Variants in KCNAB1 observed in about 807,000 individuals in gnomAD.
KCNAB1 encodes the protein voltage-gated potassium channel subunit beta-1.
KCNAB1 carries 35 observed loss-of-function variants against 64.6 expected under a neutral mutation model. The ratio of observed to expected loss-of-function variants is 0.54; its 90% CI spans 0.41 to 0.72. KCNAB1 has a LOEUF of 0.72. KCNAB1 is among the 30% of genes least tolerant of loss of function. KCNAB1 has a pLI of 0.00. For synonymous variants in KCNAB1, 177 were observed against 183.8 expected, an observed-to-expected ratio of 0.96 and a Z score of 0.30; for missense variants, 401 against 512.9, an observed-to-expected ratio of 0.78 and a Z score of 2.11.
chr3:156,326,141 T>C (rs1722957320), intron 1 of KCNAB1, among the ~76,000 whole-genome samples: 1 of 152,180 alleles, frequency 6.6e-6, no homozygotes, highest in African/African-American at 2.4e-5. Flanking sequence ...CTCTCCTGCA[T>C]CTCTGACTTG....
At chr3:156,150,013 CAT>C (rs1715307572) in intron 1 of KCNAB1, among the ~76,000 whole-genome samples, 2 of 152,190 alleles carry the variant, frequency 1.3e-5, no homozygotes, top group Admixed American at 1.3e-4. Flanking sequence ...AAAATGTCCA[CAT>C]GATTTATTTT....
At chr3:156,407,075 C>T (rs1559869486) in intron 1 of KCNAB1, among the ~76,000 whole-genome samples, 3 of 152,308 alleles carry the variant, frequency 2.0e-5, no homozygotes, top group African/African-American at 2.4e-5. Context: ...TCTGTAGCAG[C>T]TTTTGGATCT....
chr3:156,240,063 C>T lies in KCNAB1; in HGVS notation c.275+119177C>T, dbSNP rs192247193. Among the ~76,000 whole-genome samples the T allele has an allele frequency of 5.9e-5, 9 of 152,268 alleles. No individual in the cohort carries two copies. In the East Asian group the frequency reaches 1.4e-3, roughly 23 times the overall value. On this transcript the variant is annotated intron_variant, in intron 1 of 13. Transcript: ENST00000490337. ...TACAACTTAAGTGACTAATGGAAGA[C>T]GTATTTCATTGTCCAAAAATATTTC...
chr3:156,263,708 C>T (rs544026727), intron 1 of KCNAB1, among the ~76,000 whole-genome samples: 10 of 152,168 alleles, frequency 6.6e-5, no homozygotes, highest in African/African-American at 2.4e-4. Flanking sequence ...TATTTGCATA[C>T]ATCTTATGCA....
intron 2 of KCNAB1, among the ~76,000 whole-genome samples, chr3:156,433,351 A>G (rs1356100224): frequency 1.3e-5 from 2 of 152,238 alleles, no homozygotes; most frequent in Admixed American, 6.5e-5. Context: ...AAGGTTCTCA[A>G]TATACACTCA....
At chr3:156,186,725 T>C (rs1377910425) in intron 1 of KCNAB1, among the ~76,000 whole-genome samples, 1 of 152,188 alleles carries the variant, frequency 6.6e-6, no homozygotes, top group Non-Finnish European at 1.5e-5. Context: ...AGGTGATGTG[T>C]GCTTTTACTA....
intron 1 of KCNAB1, among the ~76,000 whole-genome samples, chr3:156,262,886 G>A (rs748626177): frequency 6.6e-6 from 1 of 151,546 alleles, no homozygotes; most frequent in Non-Finnish European, 1.5e-5. Context: ...AGTCAGTTTT[G>A]GTAATTTGTG....
At chr3:156,205,040 C>T (rs1326775448) in intron 1 of KCNAB1, among the ~76,000 whole-genome samples, 1 of 152,048 alleles carries the variant, frequency 6.6e-6, no homozygotes, top group Non-Finnish European at 1.5e-5. Flanking sequence ...AATACCTTGG[C>T]AATTGATAAT....
chr3:156,534,808 G>A (rs904744608), intron 13 of KCNAB1, among the ~76,000 whole-genome samples: 5 of 152,198 alleles, frequency 3.3e-5, no homozygotes, highest in African/African-American at 4.8e-5. Context: ...AGCCTGTGGG[G>A]TGTTTGTAAA....
chr3:156,415,943 C>T (rs1715039880), intron 1 of KCNAB1, among the ~76,000 whole-genome samples: 3 of 152,166 alleles, frequency 2.0e-5, no homozygotes, highest in African/African-American at 7.2e-5. Flanking sequence ...GTTGTTCCCC[C>T]AATGTCCCCA....
chr3:156,395,290 A>G (rs575529325), intron 1 of KCNAB1, among the ~76,000 whole-genome samples: 1 of 149,988 alleles, frequency 6.7e-6, no homozygotes, highest in African/African-American at 2.5e-5. Context: ...TCACGCCTGT[A>G]ATCCCAGCAC....
At position 156,429,121 on chromosome 3, in the gene KCNAB1, T is replaced by A. The variant is rs116342266; in HGVS notation, c.319+7462T>A. Among the ~76,000 whole-genome samples the A allele has an allele frequency of 7.2e-3, 1,098 of 152,368 alleles. 11 individuals carry two copies. The highest frequency in any genetic ancestry group is 0.025 in the African/African-American group (1,050 of 41,590). Reference sequence around the variant, plus strand: ...TAATCTCATCTCAACCTAGACCTTTTCAATGAGGAGCTCCACATGCATGTG... The same window carrying A: ...TAATCTCATCTCAACCTAGACCTTTACAATGAGGAGCTCCACATGCATGTG... On this transcript the variant is annotated intron_variant, in intron 2 of 13. Coordinates refer to ENST00000490337, the MANE Select transcript of KCNAB1 (RefSeq NM_172160.3).
chr3:156,519,670 C>G (rs1474954318), intron 11 of KCNAB1, among the ~76,000 whole-genome samples: 1 of 152,232 alleles, frequency 6.6e-6, no homozygotes, highest in African/African-American at 2.4e-5. Flanking sequence ...TCAGCAATGA[C>G]TGCATCCATG....
chr3:156,321,332 A>G (rs1008813440), intron 1 of KCNAB1, among the ~76,000 whole-genome samples: 51 of 152,192 alleles, frequency 3.4e-4, no homozygotes, highest in African/African-American at 1.2e-3. Flanking sequence ...CCAGTGCAAA[A>G]GCAAACACAG....
intron 1 of KCNAB1, among the ~76,000 whole-genome samples, chr3:156,241,418 A>G (rs1348481884): frequency 2.0e-5 from 3 of 152,130 alleles, no homozygotes; most frequent in Non-Finnish European, 4.4e-5. Flanking sequence ...TATGGACTGT[A>G]TGCACTCAAG....
At chr3:156,133,555 C>T (rs1258812782) in intron 1 of KCNAB1, among the ~76,000 whole-genome samples, 1 of 152,168 alleles carries the variant, frequency 6.6e-6, no homozygotes, top group Non-Finnish European at 1.5e-5. Context: ...TGAGCATCTA[C>T]CATGTTCCAG....
chr3:156,455,963 C>T (rs1310106482), intron 3 of KCNAB1: 1 of 152,372 alleles, frequency 6.6e-6, no homozygotes, highest in African/African-American at 2.4e-5. Context: ...TCGTAGGCCC[C>T]CCAGGCCCCC....
At chr3:156,122,804 C>T (rs1713427206) in intron 1 of KCNAB1, among the ~76,000 whole-genome samples, 1 of 152,206 alleles carries the variant, frequency 6.6e-6, no homozygotes, top group Non-Finnish European at 1.5e-5. Context: ...GGAACTAACT[C>T]TATTTATAAA....
intron 1 of KCNAB1, among the ~76,000 whole-genome samples, chr3:156,409,406 A>T (rs1714481788): frequency 6.6e-6 from 1 of 152,254 alleles, no homozygotes. Flanking sequence ...GAAGTCAATT[A>T]AAAAACTATT....
Sources: gnomAD v4.1 joint callset for allele counts (sites outside exome capture counted in the v4.1 genomes callset) on GRCh38, gnomAD v4.1.1 for gene constraint, MANE v1.5 for transcripts, NCBI Gene and HGNC (gene_info 2026-07-23, HGNC 2026-07-21) for gene names.